The following ZCCHC24 variants were observed in gnomAD, a reference collection of about 807,000 sequenced individuals.
ZCCHC24 encodes zinc finger CCHC-type containing 24, also known as zinc finger CCHC domain-containing protein 24.
Under a neutral mutation model 26.2 loss-of-function variants are expected in ZCCHC24, and 10 were observed. That is an observed-to-expected ratio of 0.38 (90% CI 0.24 to 0.65). The LOEUF (loss-of-function observed/expected upper bound fraction) is 0.65. Ranked by LOEUF, ZCCHC24 falls within the 30% of genes least tolerant of loss-of-function variation. The probability of loss-of-function intolerance (pLI) is 0.54; values close to 1 mark genes in which losing one functional copy is unlikely to be tolerated. For synonymous variants in ZCCHC24, 144 were observed against 147.1 expected (o/e 0.98, Z 0.15); for missense variants, 243 against 329.1 (o/e 0.74, Z 2.03).
intron 1 of ZCCHC24, among the ~76,000 whole-genome samples, chr10:79,434,774 G>C (rs1460382755): frequency 6.6e-6 from 1 of 152,182 alleles, no homozygotes; most frequent in Non-Finnish European, 1.5e-5. Context: ...TGATTTTTAA[G>C]TGTACAGTTG....
chr10:79,425,086 T>G (rs1322250829), intron 2 of ZCCHC24, among the ~76,000 whole-genome samples: 1 of 152,222 alleles, frequency 6.6e-6, no homozygotes, highest in Non-Finnish European at 1.5e-5. Flanking sequence ...CTGGACAGAC[T>G]GTGTGTCCTG....
chr10:79,423,145 G>A (rs1256891657), intron 2 of ZCCHC24, among the ~76,000 whole-genome samples: 1 of 152,110 alleles, frequency 6.6e-6, no homozygotes, highest in Non-Finnish European at 1.5e-5. Flanking sequence ...GACCCACAGT[G>A]GCCACCCAAT....
At chr10:79,439,869 A>C (rs898767750) in intron 1 of ZCCHC24, among the ~76,000 whole-genome samples, 4 of 152,094 alleles carry the variant, frequency 2.6e-5, no homozygotes, top group African/African-American at 7.2e-5. Context: ...AGCTGGAAAG[A>C]GGTCTGCTCC....
chr10:79,428,708 G>C (rs1857082725), intron 2 of ZCCHC24, among the ~76,000 whole-genome samples: 1 of 152,060 alleles, frequency 6.6e-6, no homozygotes, highest in Non-Finnish European at 1.5e-5. Context: ...TCTTTGAAAA[G>C]TCCAAAATAA....
intron 3 of ZCCHC24, 78 bp downstream of exon 3, chr10:79,394,198 G>A (rs1474476249): frequency 1.4e-5 from 22 of 1,536,730 alleles, no homozygotes; most frequent in Non-Finnish European, 1.3e-5. Flanking sequence ...CTTGTAGGAG[G>A]GAGTAAACTG....
In ZCCHC24 at chr10:79,384,677, C is replaced by T. The variant is rs1286814861; in HGVS notation, c.*1668G>A. ...CTCACTCCATCTTTTCAACTCGCTC[C>T]CTGGACCCCTGGTTAACACTTCACT... is the stretch of plus-strand genomic sequence containing the variant. On this transcript the variant is annotated 3_prime_UTR_variant, in exon 4 of 4. Transcript: ENST00000372336. 2.0e-5 allele frequency: 3 copies of T among 152,760 alleles called. No individual in the cohort carries two copies. The highest frequency in any genetic ancestry group is 4.4e-5 in the Non-Finnish European group (3 of 68,082). 9.5% of individuals were successfully genotyped at this position (152,760 alleles called of 1,614,324 possible).
intron 1 of ZCCHC24, among the ~76,000 whole-genome samples, chr10:79,436,682 C>T (rs971122214): frequency 1.3e-5 from 2 of 152,228 alleles, no homozygotes; most frequent in Non-Finnish European, 2.9e-5. Flanking sequence ...GCGATGGTCA[C>T]CAGCAGGGAA....
At chr10:79,428,655 T>C (rs138853165) in intron 2 of ZCCHC24, among the ~76,000 whole-genome samples, 33 of 151,994 alleles carry the variant, frequency 2.2e-4, no homozygotes, top group Non-Finnish European at 4.6e-4. Flanking sequence ...ATGAGATAAA[T>C]AATAGAAAAA....
At chr10:79,426,209 G>C (rs1857025070) in intron 2 of ZCCHC24, among the ~76,000 whole-genome samples, 1 of 152,206 alleles carries the variant, frequency 6.6e-6, no homozygotes, top group Non-Finnish European at 1.5e-5. Context: ...GGCAGTGAAT[G>C]CTTTAAGCTT....
intron 2 of ZCCHC24, among the ~76,000 whole-genome samples, chr10:79,400,865 C>T (rs993162224): frequency 6.6e-6 from 1 of 152,268 alleles, no homozygotes; most frequent in Non-Finnish European, 1.5e-5. Flanking sequence ...CTGCTCCTTC[C>T]ATTTTAAGGG....
At chr10:79,413,501 C>T (rs1856819482) in intron 2 of ZCCHC24, among the ~76,000 whole-genome samples, 1 of 152,230 alleles carries the variant, frequency 6.6e-6, no homozygotes. Flanking sequence ...GTGAAATCCG[C>T]CAGGCTACAG....
Position 79,426,016 on chromosome 10 carries a change from C to G in ZCCHC24, c.447+6542G>C, listed in dbSNP as rs1448858811. Among the ~76,000 whole-genome samples, 11 of 152,208 alleles carry G rather than the reference C, an allele frequency of 7.2e-5. 1 individual carries two copies. The highest frequency in any genetic ancestry group is 1.6e-4 in the Non-Finnish European group (11 of 68,040). On this transcript the variant is annotated intron_variant, in intron 2 of 3. Transcript: ENST00000372336. The stretch of plus-strand genomic sequence containing the variant: ...CTTTGTTGACATTCAGAATTGGCTT[C>G]TAGCACCTTCTCCCTCTGTTTTGGG...
At position 79,385,107 on chromosome 10, in the gene ZCCHC24, GAGA is replaced by G. The variant is rs1440569174; in HGVS notation, c.*1235_*1237del. 6.6e-6 allele frequency: 1 copy of G among 152,242 alleles called. No homozygotes were observed. Among genetic ancestry groups the G allele is most frequent in the African/African-American group, 2.4e-5 (1 of 41,424 alleles). 9.4% of individuals were successfully genotyped at this position (152,242 alleles called of 1,614,324 possible). A position where few individuals can be genotyped will look rare whatever the true frequency, so the allele number is the denominator to read the frequency against. On this transcript the variant is annotated 3_prime_UTR_variant, in exon 4 of 4. Transcript: ENST00000372336. The surrounding 1 kb of genome is among the most constrained non-coding windows in gnomAD (Gnocchi z 4.3). ...ATGTCAGGGGCTAGGAGACCGAGGT[GAGA>G]AGGAGGGGGCTCCTCCATGTTTGCA...
At position 79,445,558 on chromosome 10, in the gene ZCCHC24, TCGCCCCGCGCCCTG is replaced by T. The variant is rs935167526; in HGVS notation, c.-132_-119del. On this transcript the variant is annotated 5_prime_UTR_variant, in exon 1 of 4. Coordinates refer to ENST00000372336, the MANE Select transcript of ZCCHC24 (RefSeq NM_153367.4). ...CCCGCCTCCCGAGCCCCGACGGTGA[TCGCCCCGCGCCCTG>T]CGCCCCGCGCGCTGCCCGCAGCCGC... 1.1e-4 allele frequency: 106 copies of T among 928,390 alleles called. No individual in the cohort carries two copies. The African/African-American group carries it at 1.5e-3, about 13-fold the overall frequency. 57.5% of individuals were successfully genotyped at this position (928,390 alleles called of 1,614,324 possible). A position where few individuals can be genotyped will look rare whatever the true frequency, so the allele number is the denominator to read the frequency against.
At chr10:79,429,596 A>T (rs1435086880) in intron 2 of ZCCHC24, among the ~76,000 whole-genome samples, 2 of 152,176 alleles carry the variant, frequency 1.3e-5, no homozygotes, top group African/African-American at 4.8e-5. Context: ...AATAAAAAAA[A>T]GAGGTGATAC....
intron 2 of ZCCHC24, among the ~76,000 whole-genome samples, chr10:79,418,889 A>T (rs571886836): frequency 1.3e-5 from 2 of 151,902 alleles, no homozygotes; most frequent in South Asian, 2.1e-4. Flanking sequence ...GTTGGGGAAG[A>T]CTCCCTGAGA....
rs1856336152 is a variant in ZCCHC24, at chr10:79,382,568, G to C, written c.*3777C>G. The C allele has an allele frequency of 6.5e-6, 1 of 152,910 alleles. No homozygotes were observed. The highest frequency in any genetic ancestry group is 2.4e-5 in the African/African-American group (1 of 41,462). 9.5% of individuals were successfully genotyped at this position (152,910 alleles called of 1,614,324 possible). A position where few individuals can be genotyped will look rare whatever the true frequency, so the allele number is the denominator to read the frequency against. On this transcript the variant is annotated 3_prime_UTR_variant, in exon 4 of 4. Coordinates refer to ENST00000372336, the MANE Select transcript of ZCCHC24 (RefSeq NM_153367.4). ...CGGACGGGGTCACCGCATGGGGGCGGAGGAGGTCGGACGGCAAGGTTGGCA... is the reference window on the plus strand; with the variant it reads ...CGGACGGGGTCACCGCATGGGGGCGCAGGAGGTCGGACGGCAAGGTTGGCA...
chr10:79,422,647 G>A (rs1474871559), intron 2 of ZCCHC24, among the ~76,000 whole-genome samples: 1 of 152,214 alleles, frequency 6.6e-6, no homozygotes, highest in Non-Finnish European at 1.5e-5. Flanking sequence ...GCTGCCAGAT[G>A]GGTGGGGGCG....
chr10:79,422,781 C>T (rs1856965917), intron 2 of ZCCHC24, among the ~76,000 whole-genome samples: 1 of 152,184 alleles, frequency 6.6e-6, no homozygotes, highest in Non-Finnish European at 1.5e-5. Context: ...CTTAGCTGGA[C>T]ACAAGAGGCA....
Sources: gnomAD v4.1 joint callset for allele counts (sites outside exome capture counted in the v4.1 genomes callset) on GRCh38, gnomAD v4.1.1 for gene constraint, Gnocchi (gnomAD v3.1) non-coding constraint, MANE v1.5 for transcripts, NCBI Gene and HGNC (gene_info 2026-07-23, HGNC 2026-07-21) for gene names.